The following HOXC5 variants were observed in gnomAD, a reference collection of about 807,000 sequenced individuals.
HOXC5 encodes the protein homeobox C5, also known as homeobox protein Hox-C5.
In HOXC5, 19 loss-of-function variants were observed where a neutral mutation model predicts 20.1. That is an observed-to-expected ratio of 0.94 (90% CI 0.66 to 1.38). The LOEUF (loss-of-function observed/expected upper bound fraction) is 1.38. HOXC5 is among the 40% of genes most tolerant of loss of function. The pLI is 0.00. For synonymous variants in HOXC5, 124 were observed against 117.0 expected, an observed-to-expected ratio of 1.06 and a Z score of -0.39; for missense variants, 330 against 300.1, an observed-to-expected ratio of 1.10 and a Z score of -0.74.
At chr12:54,018,944 T>TG in the HOXC5 span, among the ~76,000 whole-genome samples, 37 of 152,102 alleles carry the variant, frequency 2.4e-4, no homozygotes, top group African/African-American at 6.7e-4. Flanking sequence ...CCGTCGCCTG[T>TG]GGGGGGGCGG....
At chr12:54,022,584 T>A in the HOXC5 span, 1 of 152,130 alleles carries the variant, frequency 6.6e-6, no homozygotes, top group Non-Finnish European at 1.5e-5. Context: ...AGGATAAAAT[T>A]ATTTATAGGG....
At chr12:54,022,184 C>G in the HOXC5 span, 1 of 152,276 alleles carries the variant, frequency 6.6e-6, no homozygotes, top group African/African-American at 2.4e-5. Context: ...CCCCACTACC[C>G]CACTCCTTTC....
chr12:54,027,107 C>G, the HOXC5 span, among the ~76,000 whole-genome samples: 1 of 152,272 alleles, frequency 6.6e-6, no homozygotes, highest in Non-Finnish European at 1.5e-5. Flanking sequence ...TGCACACTTT[C>G]CGCTGTTTCA....
chr12:54,032,937 T>G, upstream of HOXC5: 1 of 556,084 alleles, frequency 1.8e-6, no homozygotes, highest in South Asian at 2.7e-5. Context: ...AATTTATGAG[T>G]GGCCGCTCGA....
chr12:54,029,679 G>A (rs565754932), upstream of HOXC5: 63 of 1,613,714 alleles, frequency 3.9e-5, no homozygotes, highest in African/African-American at 7.5e-4. Context: ...GCGGACCGGA[G>A]GCGCGGCCGC....
In HOXC5 at chr12:54,033,461, G is replaced by C. The variant is rs1001521503; in HGVS notation, c.339G>C (p.Lys113Asn). 8 of 1,598,558 alleles carry C rather than the reference G, an allele frequency of 5.0e-6. No individual in the cohort carries two copies. The highest frequency in any genetic ancestry group is 6.8e-6 in the Non-Finnish European group (8 of 1,174,400). ...GCCCGGCGCTGGAGGAGCGAGCTAAGAGCAGTGGGGAGATCAAAGAGGAGC... is the reference window on the plus strand; with the variant it reads ...GCCCGGCGCTGGAGGAGCGAGCTAACAGCAGTGGGGAGATCAAAGAGGAGC... The part of the protein sequence containing the change: ...AARPALEERA[K>N]SSGEIKEEQA... The change falls in exon 1 of 2, where the codon AAG becomes AAC. Residue 113 changes from lysine to asparagine, a missense_variant. Coordinates refer to ENST00000312492, the MANE Select transcript of HOXC5 (RefSeq NM_018953.4).
Position 54,033,453 on chromosome 12 carries a change from C to A in HOXC5, c.331C>A (p.Arg111=), listed in dbSNP as rs763926170. 1.3e-6 allele frequency: 2 copies of A among 1,599,520 alleles called. No individual in the cohort carries two copies. The highest frequency in any genetic ancestry group is 2.2e-5 in the South Asian group (2 of 89,884). ...GGCGGCTCGCCCGGCGCTGGAGGAG[C>A]GAGCTAAGAGCAGTGGGGAGATCAA... ...QKAARPALEE[R]AKSSGEIKEE... is the part of the protein sequence containing the mutation. The change falls in exon 1 of 2, where the codon CGA becomes AGA. Residue 111 remains arginine, a synonymous_variant. Transcript: ENST00000312492.
chr12:54,024,298 C>A, the HOXC5 span, among the ~76,000 whole-genome samples: 3 of 152,190 alleles, frequency 2.0e-5, no homozygotes. Context: ...GCACCCAGGC[C>A]AGGCGCTGAG....
the HOXC5 span, among the ~76,000 whole-genome samples, chr12:54,025,426 C>G: frequency 6.6e-6 from 1 of 151,774 alleles, no homozygotes; most frequent in Non-Finnish European, 1.5e-5. Flanking sequence ...CTGACCTGCT[C>G]TCCCCCCTTG....
In HOXC5 at chr12:54,034,465, C is replaced by CA. The variant is rs1443309412; in HGVS notation, c.646dup (p.Met216AsnfsTer20). ...GCAGGATGAAGTGGAAGAAAGATTC[C>CA]AAAATGAAAAGCAAAGAGGCTCTTT... is the stretch of plus-strand genomic sequence containing the variant. On this transcript the variant is annotated frameshift_variant, in exon 2 of 2. Coordinates refer to ENST00000312492, the MANE Select transcript of HOXC5 (RefSeq NM_018953.4). LOFTEE classifies it high-confidence loss of function. 7.4e-6 allele frequency: 12 copies of CA among 1,614,026 alleles called. No individual in the cohort carries two copies. The highest frequency in any genetic ancestry group is 1.0e-5 in the Non-Finnish European group (12 of 1,180,036).
rs1033537320 is a variant in HOXC5 at position 54,034,889 on chromosome 12, C to T, written c.*397C>T. On this transcript the variant is annotated 3_prime_UTR_variant, in exon 2 of 2. Coordinates refer to ENST00000312492, the MANE Select transcript of HOXC5 (RefSeq NM_018953.4). Reference sequence around the variant, plus strand: ...CGCGCCACAGGACCCTCGCCGGACCCTCTAACCTCGCCCTCTCCTTTGTTC... The same window carrying T: ...CGCGCCACAGGACCCTCGCCGGACCTTCTAACCTCGCCCTCTCCTTTGTTC... 4.0e-6 allele frequency: 1 copy of T among 251,756 alleles called. No homozygotes were observed. Among genetic ancestry groups the T allele is most frequent in the East Asian group, 9.6e-5 (1 of 10,410 alleles). 15.6% of individuals were successfully genotyped at this position (251,756 alleles called of 1,614,324 possible). A position where few individuals can be genotyped will look rare whatever the true frequency, so the allele number is the denominator to read the frequency against.
At chr12:54,028,929 T>C, upstream of HOXC5, 1 of 1,600,674 alleles carries the variant, frequency 6.2e-7, no homozygotes, top group South Asian at 1.1e-5. Flanking sequence ...GTGGTGAGTT[T>C]TACAGCTCCG....
rs1592240136 is a variant in HOXC5, at chr12:54,034,969, G to T, written c.*477G>T. ...TGGCGAGAGTCTGGCCCTAGACTCG[G>T]GGTGCTTCCTTGTAGCGACTAAACT... On this transcript the variant is annotated 3_prime_UTR_variant, in exon 2 of 2. Coordinates refer to ENST00000312492, the MANE Select transcript of HOXC5 (RefSeq NM_018953.4). 5.5e-6 allele frequency: 1 copy of T among 182,442 alleles called. No individual in the cohort carries two copies. Among genetic ancestry groups the T allele is most frequent in the African/African-American group, 2.4e-5 (1 of 42,514 alleles). The allele number at this position is 182,442 out of a possible 1,614,324, so 11.3% of individuals were successfully genotyped here. A position where few individuals can be genotyped will look rare whatever the true frequency, so the allele number is the denominator to read the frequency against.
chr12:54,025,432 C>A, the HOXC5 span, among the ~76,000 whole-genome samples: 55 of 151,834 alleles, frequency 3.6e-4, no homozygotes, highest in African/African-American at 1.3e-3. Flanking sequence ...TGCTCTCCCC[C>A]CTTGGAGCGA....
chr12:54,028,754 A>G (rs1940847653), upstream of HOXC5: 2 of 1,614,112 alleles, frequency 1.2e-6, no homozygotes, highest in South Asian at 2.2e-5. Context: ...AATTCCTTTT[A>G]CCAGGAGAAA....
chr12:54,033,995 G>A (rs568846751), intron 1 of HOXC5: 1 of 644,120 alleles, frequency 1.6e-6, no homozygotes, highest in East Asian at 3.2e-5. Context: ...GATCTCGAGG[G>A]TGCTTATTGT....
the HOXC5 span, among the ~76,000 whole-genome samples, chr12:54,026,974 G>GC: frequency 2.3e-5 from 3 of 132,822 alleles, 1 homozygote; most frequent in Non-Finnish European, 4.8e-5. Flanking sequence ...TGGGGGGGGG[G>GC]GGATATGAGC....
Position 54,034,649 on chromosome 12 carries a change from G to A in HOXC5, c.*157G>A, listed in dbSNP as rs1941133666. The A allele has an allele frequency of 3.2e-6, 2 of 632,064 alleles. No individual in the cohort carries two copies. The highest frequency in any genetic ancestry group is 8.5e-4 in the Middle Eastern group (2 of 2,348). The allele number at this position is 632,064 out of a possible 1,614,324, so 39.2% of individuals were successfully genotyped here. A position where few individuals can be genotyped will look rare whatever the true frequency, so the allele number is the denominator to read the frequency against. On this transcript the variant is annotated 3_prime_UTR_variant, in exon 2 of 2. Coordinates refer to ENST00000312492, the MANE Select transcript of HOXC5 (RefSeq NM_018953.4). ...CAAAAGCGCTTTTCCTTGGCATTCC[G>A]CATCCCTACCGACCCAGGGTTCCCG...
rs996327276 is a variant in HOXC5 at position 54,034,765 on chromosome 12, G to T, written c.*273G>T. 5 of 458,662 alleles carry T rather than the reference G, an allele frequency of 1.1e-5. No homozygotes were observed. The highest frequency in any genetic ancestry group is 2.0e-5 in the African/African-American group (1 of 50,818). The allele number at this position is 458,662 out of a possible 1,614,324, so 28.4% of individuals were successfully genotyped here. A position where few individuals can be genotyped will look rare whatever the true frequency, so the allele number is the denominator to read the frequency against. ...AAGCTCCGCAGGACTTCCCCGGAGG[G>T]CTGCGGCGTACAGGCTGGCGCAGAA... On this transcript the variant is annotated 3_prime_UTR_variant, in exon 2 of 2. Coordinates refer to ENST00000312492, the MANE Select transcript of HOXC5 (RefSeq NM_018953.4).
Sources: gnomAD v4.1 joint callset for allele counts (sites outside exome capture counted in the v4.1 genomes callset) on GRCh38, gnomAD v4.1.1 for gene constraint, MANE v1.5 for transcripts, NCBI Gene and HGNC (gene_info 2026-07-23, HGNC 2026-07-21) for gene names.